SLC24A2: variants seen among roughly 807,000 people sequenced by gnomAD.
SLC24A2 encodes sodium/potassium/calcium exchanger 2.
SLC24A2 carries 36 observed loss-of-function variants against 62.0 expected under a neutral mutation model. The observed-to-expected ratio is 0.58, with a 90% confidence interval of 0.44 to 0.77. The LOEUF (loss-of-function observed/expected upper bound fraction) is 0.77, where lower values mean the gene tolerates loss of function less well. SLC24A2 is among the 30% of genes least tolerant of loss of function. SLC24A2 has a pLI of 0.00. For missense variants in SLC24A2, 846 were observed against 817.9 expected (o/e 1.03, Z -0.42); for synonymous variants, 358 against 294.0 (o/e 1.22, Z -2.23).
At chr9:19,947,439 G>C in the SLC24A2 span, among the ~76,000 whole-genome samples, 1 of 151,400 alleles carries the variant, frequency 6.6e-6, no homozygotes. Context: ...AAGAAAGAAG[G>C]AAGGAAGGGA....
At chr9:19,543,952 G>C (rs369281495) in intron 8 of SLC24A2, among the ~76,000 whole-genome samples, 21 of 152,164 alleles carry the variant, frequency 1.4e-4, no homozygotes, top group African/African-American at 5.1e-4. Context: ...AGGTCTGCTT[G>C]TTCCAGCGCT....
the SLC24A2 span, among the ~76,000 whole-genome samples, chr9:20,183,016 G>A: frequency 6.6e-6 from 1 of 152,138 alleles, no homozygotes; most frequent in African/African-American, 2.4e-5. Flanking sequence ...AGATAAGGCA[G>A]GATTTTTTTT....
chr9:19,981,076 G>C, the SLC24A2 span, among the ~76,000 whole-genome samples: 1 of 152,186 alleles, frequency 6.6e-6, no homozygotes, highest in Non-Finnish European at 1.5e-5. Flanking sequence ...GGAGTATGGA[G>C]ATAGGACAAA....
At chr9:20,294,631 G>A in the SLC24A2 span, among the ~76,000 whole-genome samples, 1 of 152,110 alleles carries the variant, frequency 6.6e-6, no homozygotes, top group Non-Finnish European at 1.5e-5. Flanking sequence ...TTCTTTTAAA[G>A]ACATCAGAAA....
the SLC24A2 span, among the ~76,000 whole-genome samples, chr9:19,936,687 A>C: frequency 2.0e-5 from 3 of 152,220 alleles, no homozygotes; most frequent in East Asian, 5.8e-4. Context: ...AGAAGAACTA[A>C]AAGTAATAAT....
the SLC24A2 span, among the ~76,000 whole-genome samples, chr9:19,907,153 G>A: frequency 2.0e-5 from 3 of 152,170 alleles, no homozygotes; most frequent in Non-Finnish European, 4.4e-5. Context: ...TCATCCCTGG[G>A]ATGCAAGGCT....
At chr9:19,971,020 G>A in the SLC24A2 span, among the ~76,000 whole-genome samples, 1 of 152,194 alleles carries the variant, frequency 6.6e-6, no homozygotes, top group Non-Finnish European at 1.5e-5. Context: ...TATGACCTGG[G>A]TTGGTCAATG....
At chr9:20,000,891 G>A in the SLC24A2 span, among the ~76,000 whole-genome samples, 1 of 152,116 alleles carries the variant, frequency 6.6e-6, no homozygotes, top group Non-Finnish European at 1.5e-5. Flanking sequence ...AGGGTGTGGA[G>A]GACGGAAGGA....
chr9:20,053,294 G>A, the SLC24A2 span, among the ~76,000 whole-genome samples: 2 of 152,066 alleles, frequency 1.3e-5, no homozygotes, highest in Non-Finnish European at 2.9e-5. Flanking sequence ...CCTCCTTGGA[G>A]GGCTATATAA....
chr9:19,977,290 G>C, the SLC24A2 span, among the ~76,000 whole-genome samples: 4 of 152,100 alleles, frequency 2.6e-5, no homozygotes, highest in Admixed American at 2.6e-4. Context: ...AATAAAAAGC[G>C]CTTAAAATGC....
intron 2 of SLC24A2, among the ~76,000 whole-genome samples, chr9:19,658,058 A>G (rs527994139): frequency 2.6e-4 from 40 of 152,240 alleles, no homozygotes; most frequent in African/African-American, 8.9e-4. Flanking sequence ...CCCCCAAACA[A>G]TGTACATCAG....
At chr9:20,203,146 G>A in the SLC24A2 span, among the ~76,000 whole-genome samples, 1 of 151,354 alleles carries the variant, frequency 6.6e-6, no homozygotes. Context: ...GACTGGGTTA[G>A]CATGTCATGA....
At chr9:20,097,500 A>G in the SLC24A2 span, among the ~76,000 whole-genome samples, 6 of 152,104 alleles carry the variant, frequency 3.9e-5, no homozygotes, top group Admixed American at 1.3e-4. Context: ...AGACACTAAT[A>G]GTCACTTTGA....
chr9:19,752,919 T>A lies in SLC24A2; in HGVS notation c.930+33018A>T, dbSNP rs559699923. On this transcript the variant is annotated intron_variant, in intron 2 of 10. Transcript: ENST00000341998. Reference sequence around the variant, plus strand: ...AGCACCACCTGCAATACTAGGCTCCTACTGCAAAACTATGCTCAAAATTCT... The same window carrying A: ...AGCACCACCTGCAATACTAGGCTCCAACTGCAAAACTATGCTCAAAATTCT... 2.6e-5 allele frequency among the ~76,000 whole-genome samples: 4 copies of A among 152,298 alleles called. No homozygotes were observed. The South Asian group carries it at 8.3e-4, about 32-fold the overall frequency.
At chr9:20,224,450 G>C in the SLC24A2 span, among the ~76,000 whole-genome samples, 1 of 151,984 alleles carries the variant, frequency 6.6e-6, no homozygotes. Context: ...ACACTGACAA[G>C]TATTGACATG....
At chr9:19,800,540 T>C in the SLC24A2 span, among the ~76,000 whole-genome samples, 1 of 152,226 alleles carries the variant, frequency 6.6e-6, no homozygotes, top group Non-Finnish European at 1.5e-5. Context: ...CTTGGGTTAA[T>C]TGTGTATGGA....
the SLC24A2 span, among the ~76,000 whole-genome samples, chr9:20,164,227 T>G: frequency 6.6e-6 from 1 of 151,906 alleles, no homozygotes; most frequent in Non-Finnish European, 1.5e-5. Context: ...TTTCACAACC[T>G]ACTCATCTGA....
chr9:19,856,047 A>G, the SLC24A2 span, among the ~76,000 whole-genome samples: 1 of 151,802 alleles, frequency 6.6e-6, no homozygotes, highest in African/African-American at 2.4e-5. Flanking sequence ...TCAAGCTCTG[A>G]GATTCTTTCC....
the SLC24A2 span, among the ~76,000 whole-genome samples, chr9:20,304,979 C>T: frequency 6.6e-6 from 1 of 152,010 alleles, no homozygotes. Context: ...CTCTATCCAA[C>T]TACTTAAATG....
Sources: gnomAD v4.1 joint callset for allele counts (sites outside exome capture counted in the v4.1 genomes callset) on GRCh38, gnomAD v4.1.1 for gene constraint, MANE v1.5 for transcripts, NCBI Gene and HGNC (gene_info 2026-07-23, HGNC 2026-07-21) for gene names.